SLC4A4: variants seen among roughly 807,000 people sequenced by gnomAD.
SLC4A4 encodes the protein solute carrier family 4 member 4.
In SLC4A4, 27 loss-of-function variants were observed where a neutral mutation model predicts 111.5. The ratio of observed to expected loss-of-function variants is 0.24; its 90% confidence interval spans 0.18 to 0.33. The LOEUF is 0.33. Ranked by LOEUF, SLC4A4 falls within the 10% of genes least tolerant of loss-of-function variation. SLC4A4 has a pLI of 1.00. For synonymous variants in SLC4A4, 443 were observed against 463.4 expected (o/e 0.96, Z 0.57); for missense variants, 909 against 1,315.5 (o/e 0.69, Z 4.78).
Position 71,453,525 on chromosome 4 carries a change from G to T in SLC4A4, c.1353G>T (p.Lys451Asn), listed in dbSNP as rs1224973479. ...RFCGGLIKDI[K>N]RKAPFFASDF... The stretch of plus-strand genomic sequence containing the variant: ...GTGGTGGACTAATTAAAGACATAAA[G>T]AGGAAAGCGCCATTTTTTGCCAGTG... Residue 451 changes from lysine (K) to asparagine (N), a missense_variant, in exon 12 of 26, where the codon AAG becomes AAT. Around this residue, in one of 7 missense-constraint regions of SLC4A4, gnomAD observed 312 missense variants for 402.0 expected, o/e 0.78. Coordinates refer to ENST00000264485, the MANE Select transcript of SLC4A4 (RefSeq NM_001098484.3). The T allele has an allele frequency of 1.2e-6, 2 of 1,613,958 alleles. No homozygotes were observed. Among genetic ancestry groups the T allele is most frequent in the South Asian group, 1.1e-5 (1 of 91,082 alleles).
At chr4:71,158,505 C>T (rs1744537298) in intron 2 of SLC4A4, among the ~76,000 whole-genome samples, 1 of 152,122 alleles carries the variant, frequency 6.6e-6, no homozygotes, top group South Asian at 2.1e-4. Context: ...TAAATACCCC[C>T]CAAATTCAAG....
At chr4:71,541,075 C>G (rs1735010026) in intron 18 of SLC4A4, among the ~76,000 whole-genome samples, 1 of 152,092 alleles carries the variant, frequency 6.6e-6, no homozygotes, top group African/African-American at 2.4e-5. Flanking sequence ...TTTACACCCT[C>G]CAGCTGTGAC....
At chr4:71,271,592 A>G (rs151247606) in intron 3 of SLC4A4, among the ~76,000 whole-genome samples, 51 of 152,352 alleles carry the variant, frequency 3.3e-4, no homozygotes, top group African/African-American at 1.2e-3. Context: ...AGATAAAAAG[A>G]GGCACAATCA....
chr4:71,258,395 C>A (rs1040521069), intron 3 of SLC4A4, among the ~76,000 whole-genome samples: 1 of 152,138 alleles, frequency 6.6e-6, no homozygotes, highest in African/African-American at 2.4e-5. Flanking sequence ...TCTTTCCCAA[C>A]GCCTTATGTT....
upstream of SLC4A4, among the ~76,000 whole-genome samples, chr4:71,185,685 G>A (rs1745429438): frequency 6.6e-6 from 1 of 152,112 alleles, no homozygotes. Context: ...TCCAAGCACT[G>A]GTGAGGCACC....
chr4:71,296,474 A>G (rs773402900), intron 3 of SLC4A4, among the ~76,000 whole-genome samples: 1 of 152,214 alleles, frequency 6.6e-6, no homozygotes, highest in Non-Finnish European at 1.5e-5. Context: ...AACGTGGAAA[A>G]ATAGCAAAAC....
intron 6 of SLC4A4, among the ~76,000 whole-genome samples, chr4:71,387,565 G>T (rs948206059): frequency 4.6e-5 from 7 of 151,958 alleles, no homozygotes; most frequent in African/African-American, 1.7e-4. Context: ...TGTGATCTTG[G>T]CTCACCACAA....
chr4:71,089,978 T>C (rs921433665), intron 1 of SLC4A4, among the ~76,000 whole-genome samples: 1 of 147,418 alleles, frequency 6.8e-6, no homozygotes, highest in East Asian at 2.1e-4. Flanking sequence ...TGTTTGGCTA[T>C]GCCCTGCCCC....
intron 2 of SLC4A4, among the ~76,000 whole-genome samples, chr4:71,139,259 T>C (rs559136336): frequency 8.0e-5 from 12 of 150,918 alleles, no homozygotes; most frequent in Non-Finnish European, 1.8e-4. Flanking sequence ...TTAGCAACCA[T>C]TGACTTTTGG....
intron 1 of SLC4A4, among the ~76,000 whole-genome samples, chr4:71,220,988 G>C (rs1718713658): frequency 6.6e-6 from 1 of 152,038 alleles, no homozygotes; most frequent in African/African-American, 2.4e-5. Flanking sequence ...TCTGTTCCTG[G>C]GTTAGTTTGC....
chr4:71,340,475 T>C (rs1560423905), intron 4 of SLC4A4, among the ~76,000 whole-genome samples: 2 of 152,224 alleles, frequency 1.3e-5, no homozygotes, highest in African/African-American at 2.4e-5. Context: ...AATTAAACTT[T>C]ATTACGTTTT....
chr4:71,160,989 A>G (rs962848598), intron 2 of SLC4A4, among the ~76,000 whole-genome samples: 8 of 152,226 alleles, frequency 5.3e-5, no homozygotes, highest in Admixed American at 2.6e-4. Context: ...TCAAGATGAA[A>G]AACATTGCAA....
At chr4:71,320,318 C>T (rs1359046162) in intron 3 of SLC4A4, among the ~76,000 whole-genome samples, 1 of 152,054 alleles carries the variant, frequency 6.6e-6, no homozygotes, top group Admixed American at 6.6e-5. Flanking sequence ...AGCGTGACCT[C>T]AAGTCTTCCT....
intron 2 of SLC4A4, among the ~76,000 whole-genome samples, chr4:71,164,017 G>A (rs1301392079): frequency 6.6e-6 from 1 of 152,182 alleles, no homozygotes; most frequent in Non-Finnish European, 1.5e-5. Context: ...AGGCCAAGGT[G>A]GGCGGATCAC....
At chr4:71,374,915 A>T (rs1433955894) in intron 6 of SLC4A4, among the ~76,000 whole-genome samples, 5 of 152,122 alleles carry the variant, frequency 3.3e-5, no homozygotes, top group African/African-American at 1.2e-4. Context: ...TGTTTTCCAA[A>T]CCTTCCTGAT....
intron 6 of SLC4A4, among the ~76,000 whole-genome samples, chr4:71,364,309 G>A (rs574587474): frequency 1.3e-5 from 2 of 152,280 alleles, no homozygotes; most frequent in East Asian, 3.9e-4. Flanking sequence ...TGTAAAATAA[G>A]GGTAGTGATG....
chr4:71,464,066 A>G (rs1488365012), intron 12 of SLC4A4, among the ~76,000 whole-genome samples: 1 of 152,210 alleles, frequency 6.6e-6, no homozygotes, highest in Non-Finnish European at 1.5e-5. Context: ...TGCCACAGGA[A>G]GCATTCAAGC....
At chr4:71,079,321 A>G (rs1482595024) in intron 1 of SLC4A4, among the ~76,000 whole-genome samples, 4 of 152,146 alleles carry the variant, frequency 2.6e-5, no homozygotes, top group Non-Finnish European at 4.4e-5. Flanking sequence ...CATGGGACAC[A>G]TATACAGCAG....
At chr4:71,317,082 G>C (rs866551713) in intron 3 of SLC4A4, among the ~76,000 whole-genome samples, 160 of 138,866 alleles carry the variant, frequency 1.2e-3, no homozygotes, top group African/African-American at 4.2e-3. Context: ...GTGCGTGTGT[G>C]TGTGTGTGTG....
Sources: gnomAD v4.1 joint callset for allele counts (sites outside exome capture counted in the v4.1 genomes callset) on GRCh38, gnomAD v4.1.1 for gene constraint, gnomAD v4.1.1 regional missense constraint, MANE v1.5 for transcripts, NCBI Gene and HGNC (gene_info 2026-07-23, HGNC 2026-07-21) for gene names.